PDE1A: variants seen among roughly 807,000 people sequenced by gnomAD.
PDE1A encodes dual specificity calcium/calmodulin-dependent 3',5'-cyclic nucleotide phosphodiesterase 1A.
Under a neutral mutation model 61.7 loss-of-function variants are expected in PDE1A, and 35 were observed. That is an observed-to-expected ratio of 0.57 (90% CI 0.43 to 0.75). The LOEUF is 0.75. Among genes scored for constraint, PDE1A ranks in the 30% least tolerant of loss-of-function variants. PDE1A has a pLI of 0.00. For missense variants in PDE1A, 597 were observed against 630.6 expected, an observed-to-expected ratio of 0.95 and a Z score of 0.57; for synonymous variants, 232 against 213.2, an observed-to-expected ratio of 1.09 and a Z score of -0.77.
chr2:182,443,746 C>A lies in PDE1A; in HGVS notation c.101+78530G>T, dbSNP rs1210754981. On this transcript the variant is annotated intron_variant, in intron 2 of 14. Transcript: ENST00000410103. ...GAGATAGAATTTCACTCTTGTTGCCCAGGCTGGAGTTTAATGGTGTGATCT... is the reference window on the plus strand; with the variant it reads ...GAGATAGAATTTCACTCTTGTTGCCAAGGCTGGAGTTTAATGGTGTGATCT... 4.0e-5 allele frequency among the ~76,000 whole-genome samples: 6 copies of A among 149,212 alleles called. No homozygotes were observed. The South Asian group carries it at 1.1e-3, about 26-fold the overall frequency.
chr2:182,330,570 C>T (rs1014822447), intron 1 of PDE1A, among the ~76,000 whole-genome samples: 5 of 152,082 alleles, frequency 3.3e-5, no homozygotes, highest in Non-Finnish European at 7.4e-5. Flanking sequence ...TGTTTTCTCT[C>T]TGGCTTCAAC....
chr2:182,338,718 T>C (rs946681656), intron 1 of PDE1A, among the ~76,000 whole-genome samples: 1 of 152,100 alleles, frequency 6.6e-6, no homozygotes, highest in Non-Finnish European at 1.5e-5. Context: ...GAGACGGGGT[T>C]TCACCATATT....
At chr2:182,550,565 T>C in the PDE1A span, among the ~76,000 whole-genome samples, 1 of 152,196 alleles carries the variant, frequency 6.6e-6, no homozygotes. Context: ...AAAAAAGGAA[T>C]AATATGTTAA....
At chr2:182,487,137 A>G (rs1458182474) in intron 2 of PDE1A, among the ~76,000 whole-genome samples, 1 of 152,202 alleles carries the variant, frequency 6.6e-6, no homozygotes, top group Admixed American at 6.5e-5. Context: ...AAGAGGCTAT[A>G]CAAAGGACAA....
At chr2:182,343,934 A>G (rs866178854) in intron 1 of PDE1A, among the ~76,000 whole-genome samples, 5 of 151,380 alleles carry the variant, frequency 3.3e-5, no homozygotes, top group Non-Finnish European at 2.9e-5. Context: ...CAGTGGCACA[A>G]TCACAGCTCA....
chr2:182,574,212 T>G, the PDE1A span, among the ~76,000 whole-genome samples: 1 of 152,092 alleles, frequency 6.6e-6, no homozygotes, highest in Non-Finnish European at 1.5e-5. Context: ...TTATATCCGC[T>G]GGCAGCTGAT....
intron 1 of PDE1A, among the ~76,000 whole-genome samples, chr2:182,404,754 C>T (rs1033421679): frequency 3.8e-4 from 58 of 152,164 alleles, no homozygotes; most frequent in African/African-American, 1.3e-3. Flanking sequence ...CATATCTTGT[C>T]CCCATGGAAG....
chr2:182,454,613 C>T (rs980451601), intron 2 of PDE1A, among the ~76,000 whole-genome samples: 5 of 151,508 alleles, frequency 3.3e-5, no homozygotes, highest in African/African-American at 4.8e-5. Flanking sequence ...GAAATAATGC[C>T]GCATATCTAC....
chr2:182,412,058 GAAAA>G (rs59999610), intron 1 of PDE1A, among the ~76,000 whole-genome samples: 1 of 131,848 alleles, frequency 7.6e-6, no homozygotes, highest in Non-Finnish European at 1.6e-5. Flanking sequence ...ACTCCATCTC[GAAAA>G]AAAAAAAAAA....
chr2:182,248,818 C>G (rs1691181155), intron 2 of PDE1A, among the ~76,000 whole-genome samples: 1 of 152,150 alleles, frequency 6.6e-6, no homozygotes, highest in African/African-American at 2.4e-5. Context: ...ACTGGTTTCT[C>G]AAGTTTGAAA....
intron 2 of PDE1A, among the ~76,000 whole-genome samples, chr2:182,466,071 T>G (rs1250732296): frequency 6.6e-6 from 1 of 152,050 alleles, no homozygotes; most frequent in Non-Finnish European, 1.5e-5. Context: ...CTGCCAGTTC[T>G]TTATTCCTAA....
the PDE1A span, among the ~76,000 whole-genome samples, chr2:182,562,723 C>G: frequency 6.6e-6 from 1 of 152,056 alleles, no homozygotes; most frequent in Non-Finnish European, 1.5e-5. Flanking sequence ...ATTATTGCCA[C>G]AATTTCAGAG....
chr2:182,384,903 A>C (rs957870361), intron 1 of PDE1A, among the ~76,000 whole-genome samples: 2 of 152,184 alleles, frequency 1.3e-5, no homozygotes, highest in Non-Finnish European at 2.9e-5. Flanking sequence ...AAAGACAAGG[A>C]GAAGACTGAA....
At chr2:182,165,204 T>A (rs1196066), downstream of PDE1A, among the ~76,000 whole-genome samples, 1 of 151,966 alleles carries the variant, frequency 6.6e-6, no homozygotes, top group Non-Finnish European at 1.5e-5. Flanking sequence ...GAACTACTTA[T>A]CATCACCTCT....
At chr2:182,353,651 T>C (rs1312631672) in intron 1 of PDE1A, among the ~76,000 whole-genome samples, 1 of 152,050 alleles carries the variant, frequency 6.6e-6, no homozygotes, top group African/African-American at 2.4e-5. Flanking sequence ...TTAATTAGAA[T>C]GGGAATTAAA....
chr2:182,474,891 C>T (rs923789272), intron 2 of PDE1A, among the ~76,000 whole-genome samples: 1 of 151,832 alleles, frequency 6.6e-6, no homozygotes. Flanking sequence ...TGGGCTAAGA[C>T]ATACAGAAAT....
At chr2:182,670,033 C>T in the PDE1A span, among the ~76,000 whole-genome samples, 1 of 152,204 alleles carries the variant, frequency 6.6e-6, no homozygotes, top group Non-Finnish European at 1.5e-5. Context: ...AAACCACATG[C>T]TGTTTGCAAG....
the PDE1A span, among the ~76,000 whole-genome samples, chr2:182,710,881 A>T: frequency 3.9e-5 from 6 of 152,200 alleles, no homozygotes; most frequent in Non-Finnish European, 2.9e-5. Flanking sequence ...CCCTAGTCCA[A>T]GCCATTGCCA....
chr2:182,669,961 C>T, the PDE1A span, among the ~76,000 whole-genome samples: 1 of 152,298 alleles, frequency 6.6e-6, no homozygotes, highest in South Asian at 2.1e-4. Flanking sequence ...CCATTTGGAG[C>T]ACATGAAGGT....
Sources: allele counts gnomAD v4.1 joint callset (sites outside exome capture counted in the v4.1 genomes callset), GRCh38; gene constraint gnomAD v4.1.1; transcripts MANE v1.5; gene names NCBI Gene and HGNC (gene_info 2026-07-23, HGNC 2026-07-21).